CAPZA1: variants seen among roughly 807,000 people sequenced by gnomAD.
CAPZA1 encodes the protein capping actin protein of muscle Z-line subunit alpha 1, also known as F-actin-capping protein subunit alpha-1.
Under a neutral mutation model 40.8 loss-of-function variants are expected in CAPZA1, and 10 were observed. The observed-to-expected ratio is 0.25, with a 90% confidence interval of 0.15 to 0.42. CAPZA1 has a LOEUF of 0.42. CAPZA1 is among the 10% of genes least tolerant of loss of function. The pLI is 1.00. For missense variants in CAPZA1, 277 were observed against 353.8 expected, an observed-to-expected ratio of 0.78 and a Z score of 1.74; for synonymous variants, 98 against 115.0, an observed-to-expected ratio of 0.85 and a Z score of 0.95.
At chr1:112,622,255 A>G (rs1275773203) in intron 1 of CAPZA1, among the ~76,000 whole-genome samples, 1 of 152,198 alleles carries the variant, frequency 6.6e-6, no homozygotes, top group Non-Finnish European at 1.5e-5. Flanking sequence ...AATATCATCT[A>G]TTCTCATAAC....
chr1:112,644,184 CTTTTTTTTTT>C (rs60802838), intron 1 of CAPZA1, among the ~76,000 whole-genome samples: 1 of 56,782 alleles, frequency 1.8e-5, no homozygotes, highest in South Asian at 9.6e-4. Flanking sequence ...CTTCTCCCAG[CTTTTTTTTTT>C]TTTTTTTTTT....
chr1:112,630,694 A>C (rs1481654427), intron 1 of CAPZA1, among the ~76,000 whole-genome samples: 4 of 151,758 alleles, frequency 2.6e-5, no homozygotes, highest in Admixed American at 2.6e-4. Flanking sequence ...GCTGGTCTGA[A>C]ACTCCTTGGC....
chr1:112,627,672 G>A (rs2101138709), intron 1 of CAPZA1, among the ~76,000 whole-genome samples: 1 of 146,746 alleles, frequency 6.8e-6, no homozygotes, highest in South Asian at 2.1e-4. Context: ...AAAAAGAAGG[G>A]CCAGGCGTAG....
intron 7 of CAPZA1, among the ~76,000 whole-genome samples, chr1:112,663,773 G>A (rs1460726280): frequency 6.6e-6 from 1 of 152,136 alleles, no homozygotes; most frequent in East Asian, 1.9e-4. Flanking sequence ...CCAAAGTGCT[G>A]GGATTAAATG....
intron 1 of CAPZA1, among the ~76,000 whole-genome samples, chr1:112,631,127 T>C (rs1205843439): frequency 1.3e-5 from 2 of 152,232 alleles, no homozygotes; most frequent in Non-Finnish European, 2.9e-5. Context: ...CCAGAACCAC[T>C]GATTTAAGGC....
intron 1 of CAPZA1, among the ~76,000 whole-genome samples, chr1:112,643,613 A>G (rs1003821946): frequency 6.6e-6 from 1 of 152,232 alleles, no homozygotes; most frequent in Non-Finnish European, 1.5e-5. Flanking sequence ...TCAGGACCGA[A>G]AAAAGTTAGT....
At chr1:112,650,455 T>A (rs947434655) in intron 3 of CAPZA1, among the ~76,000 whole-genome samples, 2 of 152,214 alleles carry the variant, frequency 1.3e-5, no homozygotes, top group Non-Finnish European at 2.9e-5. Context: ...ATCGGAGATA[T>A]ACTCTAATGA....
At chr1:112,668,149 C>A (rs1332851203) in intron 8 of CAPZA1, among the ~76,000 whole-genome samples, 2 of 151,940 alleles carry the variant, frequency 1.3e-5, no homozygotes, top group Admixed American at 6.6e-5. Flanking sequence ...CAGCTGAGTT[C>A]CTGTAGTCCC....
At chr1:112,637,249 T>A (rs1671039181) in intron 1 of CAPZA1, among the ~76,000 whole-genome samples, 2 of 152,356 alleles carry the variant, frequency 1.3e-5, no homozygotes, top group South Asian at 4.1e-4. Context: ...GTTTTAAAGA[T>A]CAATAAAAGA....
intron 2 of CAPZA1, 54 bp from the exon 3 acceptor site, chr1:112,649,364 T>C (rs1421974900): frequency 6.5e-6 from 9 of 1,376,168 alleles, no homozygotes. Context: ...AGAAATCTGC[T>C]AAAATTTCTC....
At chr1:112,662,539 C>T (rs1570725692) in intron 7 of CAPZA1, among the ~76,000 whole-genome samples, 1 of 151,696 alleles carries the variant, frequency 6.6e-6, no homozygotes, top group East Asian at 1.9e-4. Context: ...GCTGGTACCA[C>T]AGGCGCCCGC....
In CAPZA1 at chr1:112,670,355, T is replaced by TTTTTTTA; in HGVS notation, c.*229_*230insATTTTTT. 1 of 331,892 alleles carries TTTTTTTA rather than the reference T, an allele frequency of 3.0e-6. No individual in the cohort carries two copies. The highest frequency in any genetic ancestry group is 5.0e-6 in the Non-Finnish European group (1 of 198,360). The allele number at this position is 331,892 out of a possible 1,614,324, so 20.6% of individuals were successfully genotyped here. A position where few individuals can be genotyped will look rare whatever the true frequency, so the allele number is the denominator to read the frequency against. On this transcript the variant is annotated 3_prime_UTR_variant, in exon 10 of 10. Coordinates refer to ENST00000263168, the MANE Select transcript of CAPZA1 (RefSeq NM_006135.3). Reference sequence around the variant, plus strand: ...TTACTGCTATATCTACGTGTAAATCTTTTTTTCTTTTTTTTTTTTTTTTTT... The same window carrying TTTTTTTA: ...TTACTGCTATATCTACGTGTAAATCTTTTTTTATTTTTTCTTTTTTTTTTTTTTTTTT...
chr1:112,631,205 C>T (rs1471591259), intron 1 of CAPZA1, among the ~76,000 whole-genome samples: 1 of 152,248 alleles, frequency 6.6e-6, no homozygotes, highest in Non-Finnish European at 1.5e-5. Context: ...GTATTCACCT[C>T]AGTGCCTGAG....
chr1:112,653,610 G>A lies in CAPZA1; in HGVS notation c.168G>A (p.Gln56=). 1.9e-6 allele frequency: 3 copies of A among 1,571,274 alleles called. No individual in the cohort carries two copies. The highest frequency in any genetic ancestry group is 1.7e-4 in the Middle Eastern group (1 of 5,912). Residue 56 remains glutamine (Q), a synonymous_variant, in exon 4 of 10, where the codon CAG becomes CAA. Coordinates refer to ENST00000263168, the MANE Select transcript of CAPZA1 (RefSeq NM_006135.3). ...TAAAAAAAAACAGTGCATTTGCCCA[G>A]TATAACATGGATCAGTTCACGCCTG... ...LREGAAHAFA[Q]YNMDQFTPVK...
chr1:112,660,495 G>A (rs1268318814), intron 7 of CAPZA1, among the ~76,000 whole-genome samples: 1 of 151,946 alleles, frequency 6.6e-6, no homozygotes, highest in Admixed American at 6.6e-5. Flanking sequence ...GGTTAGGCTG[G>A]TCTCGATCTC....
chr1:112,661,515 T>A (rs1671606576), intron 7 of CAPZA1, among the ~76,000 whole-genome samples: 1 of 152,218 alleles, frequency 6.6e-6, no homozygotes, highest in Non-Finnish European at 1.5e-5. Flanking sequence ...TTCTCTAATC[T>A]TTGTCTTGGG....
At chr1:112,649,184 G>A (rs1233202775) in intron 2 of CAPZA1, among the ~76,000 whole-genome samples, 1 of 152,170 alleles carries the variant, frequency 6.6e-6, no homozygotes, top group Non-Finnish European at 1.5e-5. Context: ...GTAGCTTTCT[G>A]TAAACCATGT....
intron 1 of CAPZA1, among the ~76,000 whole-genome samples, chr1:112,632,705 A>G (rs1028467194): frequency 6.6e-6 from 1 of 152,212 alleles, no homozygotes. Context: ...CATACCAGAA[A>G]AGCAATTATT....
chr1:112,660,719 T>G (rs1671590099), intron 7 of CAPZA1, among the ~76,000 whole-genome samples: 1 of 152,210 alleles, frequency 6.6e-6, no homozygotes, highest in Non-Finnish European at 1.5e-5. Flanking sequence ...TGATTTAATA[T>G]TTAAGCCTCA....
Sources: gnomAD v4.1 joint callset for allele counts (sites outside exome capture counted in the v4.1 genomes callset) on GRCh38, gnomAD v4.1.1 for gene constraint, MANE v1.5 for transcripts, NCBI Gene and HGNC (gene_info 2026-07-23, HGNC 2026-07-21) for gene names.